PCDHA9: variants seen among roughly 807,000 people sequenced by gnomAD.
PCDHA9 encodes protocadherin alpha-9.
A neutral mutation model predicts 62.0 loss-of-function variants in PCDHA9; 62 were observed. The observed-to-expected ratio is 1.00, with a 90% confidence interval of 0.81 to 1.23. The LOEUF is 1.23. Among genes scored for constraint, PCDHA9 ranks in the 50% most tolerant of loss-of-function variants. The pLI, the probability that PCDHA9 is intolerant of heterozygous loss-of-function variation, is 0.00. For missense variants in PCDHA9, 1,205 were observed against 1,249.8 expected (o/e 0.96, Z 0.54); for synonymous variants, 557 against 567.6 (o/e 0.98, Z 0.27).
chr5:140,942,410 A>T (rs1047414912), intron 1 of PCDHA9, among the ~76,000 whole-genome samples: 3 of 142,238 alleles, frequency 2.1e-5, no homozygotes, highest in Non-Finnish European at 3.1e-5. Context: ...GACTCTGTTT[A>T]AAAAAAAAAA....
intron 1 of PCDHA9, chr5:140,929,479 A>G (rs2086187931): frequency 4.2e-6 from 5 of 1,193,216 alleles, no homozygotes; most frequent in Admixed American, 3.2e-5. Context: ...CTGGAAGTAT[A>G]GAAGTATTAG....
chr5:140,973,554 C>T (rs897513375), intron 1 of PCDHA9, among the ~76,000 whole-genome samples: 3 of 152,316 alleles, frequency 2.0e-5, no homozygotes, highest in Admixed American at 6.5e-5. Flanking sequence ...TTTCAATTAC[C>T]TCTTTCCTCA....
At chr5:140,960,131 C>T (rs781965980) in intron 1 of PCDHA9, among the ~76,000 whole-genome samples, 11 of 152,114 alleles carry the variant, frequency 7.2e-5, no homozygotes, top group African/African-American at 9.7e-5. Context: ...TTATGAAATA[C>T]TTAGATATTA....
chr5:140,947,570 TG>T (rs2094146227), intron 1 of PCDHA9, among the ~76,000 whole-genome samples: 1 of 151,820 alleles, frequency 6.6e-6, no homozygotes, highest in African/African-American at 2.4e-5. Flanking sequence ...ATATTGGGAA[TG>T]TTTTTAACAT....
intron 1 of PCDHA9, chr5:140,857,672 C>T: frequency 2.5e-6 from 4 of 1,596,908 alleles, no homozygotes; most frequent in Middle Eastern, 3.8e-4. Context: ...TGGGGGCGTG[C>T]CGCCTCTGGG....
chr5:140,967,006 C>G, intron 1 of PCDHA9: 1 of 1,605,750 alleles, frequency 6.2e-7, no homozygotes, highest in Non-Finnish European at 8.5e-7. Flanking sequence ...TGCGCATCAA[C>G]CATCTGGGTG....
intron 1 of PCDHA9, chr5:140,926,696 C>A: frequency 1.3e-6 from 1 of 771,792 alleles, no homozygotes; most frequent in Non-Finnish European, 1.9e-6. Context: ...GCAAGCCCGG[C>A]TCCCAGCTGG....
chr5:140,993,811 G>A (rs1554253953), intron 3 of PCDHA9, among the ~76,000 whole-genome samples: 3 of 152,154 alleles, frequency 2.0e-5, no homozygotes, highest in African/African-American at 2.4e-5. Flanking sequence ...TGTAGCCTAG[G>A]AGCAATAGGC....
chr5:140,987,391 G>A (rs1277678841), intron 3 of PCDHA9, among the ~76,000 whole-genome samples: 1 of 152,140 alleles, frequency 6.6e-6, no homozygotes, highest in Non-Finnish European at 1.5e-5. Flanking sequence ...ATGCATGCAA[G>A]GAAGCCATCT....
intron 3 of PCDHA9, among the ~76,000 whole-genome samples, chr5:140,995,578 T>C (rs1554254730): frequency 1.3e-5 from 2 of 152,256 alleles, no homozygotes; most frequent in African/African-American, 4.8e-5. Flanking sequence ...AGATGAGCTA[T>C]GAGCTTTTAA....
rs146492633 is a variant in PCDHA9 at position 140,900,696 on chromosome 5, G to A, written c.2394+49807G>A. Among the ~76,000 whole-genome samples the A allele has an allele frequency of 2.2e-4, 33 of 152,256 alleles. No homozygotes were observed. The East Asian group carries it at 5.8e-3, about 27-fold the overall frequency. ...TTATCTCTTCAATATACTGATTTCC[G>A]TTCTTTTGGAAAGAAAGGAAATCCT... is the stretch of plus-strand genomic sequence containing the variant. On this transcript the variant is annotated intron_variant, in intron 1 of 3. Transcript: ENST00000532602.
intron 3 of PCDHA9, among the ~76,000 whole-genome samples, chr5:140,993,203 A>AT (rs200893072): frequency 0.015 from 2,264 of 152,198 alleles, 62 homozygotes; most frequent in African/African-American, 0.051. Flanking sequence ...ACTAAAGCTA[A>AT]TTTTTTTAGC....
At chr5:140,945,393 T>G (rs2153669728) in intron 1 of PCDHA9, among the ~76,000 whole-genome samples, 1 of 152,208 alleles carries the variant, frequency 6.6e-6, no homozygotes, top group East Asian at 1.9e-4. Flanking sequence ...AATATACAAA[T>G]TCAATACAAT....
At chr5:141,006,774 A>G (rs1435816376) in intron 3 of PCDHA9, among the ~76,000 whole-genome samples, 8 of 152,172 alleles carry the variant, frequency 5.3e-5, no homozygotes, top group Admixed American at 3.3e-4. Flanking sequence ...AGAATAGAGA[A>G]AAATGAATAA....
At position 140,927,603 on chromosome 5, in the gene PCDHA9, A is replaced by G. The variant is rs538616533; in HGVS notation, c.2395-51346A>G. On this transcript the variant is annotated intron_variant, in intron 1 of 3. Coordinates refer to ENST00000532602, the MANE Select transcript of PCDHA9 (RefSeq NM_031857.2). ...ACGCGCCTGTATTTGAGCGCTCCGT[A>G]TACCGCACCAAGGTTCCAGAGACTG... 8.1e-6 allele frequency: 13 copies of G among 1,614,190 alleles called. No homozygotes were observed. In the Admixed American group the frequency reaches 1.2e-4, roughly 14 times the overall value.
rs370156477 is a variant in PCDHA9 at position 140,876,942 on chromosome 5, G to A, written c.2394+26053G>A. The A allele has an allele frequency of 2.2e-5, 35 of 1,613,660 alleles. 1 individual carries two copies. In the African/African-American group the frequency reaches 4.4e-4, roughly 20 times the overall value. On this transcript the variant is annotated intron_variant, in intron 1 of 3. Transcript: ENST00000532602. ...CGGACGCGCAGAAGAACGCGCTGGT[G>A]TCCTACTCGCTGGTGGAGCGGCGGG...
chr5:140,999,985 G>T (rs1451778210), intron 3 of PCDHA9, among the ~76,000 whole-genome samples: 1 of 152,022 alleles, frequency 6.6e-6, no homozygotes, highest in African/African-American at 2.4e-5. Context: ...AGCGGCCTCT[G>T]GGTAGTGGTA....
chr5:140,997,668 T>TGTGTG (rs2097778571), intron 3 of PCDHA9, among the ~76,000 whole-genome samples: 1 of 148,244 alleles, frequency 6.7e-6, no homozygotes, highest in African/African-American at 2.5e-5. Flanking sequence ...ATTATACAGC[T>TGTGTG]TGTGTGTGTG....
At chr5:140,914,761 G>A (rs2076826214) in intron 1 of PCDHA9, among the ~76,000 whole-genome samples, 1 of 151,734 alleles carries the variant, frequency 6.6e-6, no homozygotes, top group Non-Finnish European at 1.5e-5. Context: ...GAGGTTACAT[G>A]AGGTTTATGA....
Sources: gnomAD v4.1 joint callset for allele counts (sites outside exome capture counted in the v4.1 genomes callset) on GRCh38, gnomAD v4.1.1 for gene constraint, MANE v1.5 for transcripts, NCBI Gene and HGNC (gene_info 2026-07-23, HGNC 2026-07-21) for gene names.